Variants in ZNF544 observed in about 807,000 individuals in gnomAD.
ZNF544 encodes the protein zinc finger protein 544.
Under a neutral mutation model 13.5 loss-of-function variants are expected in ZNF544, and 10 were observed. The ratio of observed to expected loss-of-function variants is 0.74; its 90% CI spans 0.46 to 1.25. ZNF544 has a LOEUF of 1.25. Ranked by LOEUF, ZNF544 falls within the 50% of genes most tolerant of loss-of-function variation. The pLI, the probability that ZNF544 is intolerant of heterozygous loss-of-function variation, is 0.00. For synonymous variants in ZNF544, 323 were observed against 300.5 expected (o/e 1.07, Z -0.77); for missense variants, 896 against 845.6 (o/e 1.06, Z -0.74).
intron 3 of ZNF544, among the ~76,000 whole-genome samples, chr19:58,231,292 C>A (rs1321932491): frequency 3.3e-5 from 5 of 152,316 alleles, no homozygotes; most frequent in Middle Eastern, 3.4e-3. Flanking sequence ...CCCACCTTCT[C>A]ACTCCCCAGC....
chr19:58,242,183 T>C (rs2044038344), intron 3 of ZNF544: 2 of 972,132 alleles, frequency 2.1e-6, no homozygotes, highest in Non-Finnish European at 2.4e-6. Flanking sequence ...GCTGCGAGTG[T>C]TGAGGCTGCT....
intron 3 of ZNF544, among the ~76,000 whole-genome samples, chr19:58,236,591 A>G (rs1448777279): frequency 1.3e-5 from 2 of 152,114 alleles, no homozygotes; most frequent in Non-Finnish European, 2.9e-5. Context: ...GCAAAATAGT[A>G]CAGAGTATCT....
intron 3 of ZNF544, among the ~76,000 whole-genome samples, chr19:58,240,460 T>C (rs1337607848): frequency 6.6e-6 from 1 of 152,086 alleles, no homozygotes; most frequent in East Asian, 1.9e-4. Context: ...GGTTTCATCA[T>C]GTTAGCCAGG....
At chr19:58,237,252 C>T (rs952042131) in intron 3 of ZNF544, among the ~76,000 whole-genome samples, 3 of 151,900 alleles carry the variant, frequency 2.0e-5, no homozygotes, top group Non-Finnish European at 2.9e-5. Context: ...TTTGTAGAGA[C>T]GGGGTTTTGC....
intron 6 of ZNF544, among the ~76,000 whole-genome samples, chr19:58,254,776 G>A (rs952397943): frequency 2.0e-5 from 3 of 152,066 alleles, no homozygotes; most frequent in Non-Finnish European, 4.4e-5. Context: ...ACATTGCAGA[G>A]TTAATAGTAC....
At chr19:58,234,601 T>C (rs2042014476) in intron 3 of ZNF544, among the ~76,000 whole-genome samples, 2 of 152,368 alleles carry the variant, frequency 1.3e-5, no homozygotes, top group East Asian at 3.9e-4. Flanking sequence ...TTCTTCCCTT[T>C]GCCTGTGTAC....
intron 3 of ZNF544, among the ~76,000 whole-genome samples, chr19:58,242,630 C>T (rs2044149000): frequency 6.6e-6 from 1 of 151,826 alleles, no homozygotes; most frequent in Non-Finnish European, 1.5e-5. Context: ...CATCTCATCT[C>T]AGCCCCTACC....
rs1849112528 is a variant in ZNF544, at chr19:58,262,087, G to A, written c.1481G>A (p.Cys494Tyr). 1 of 1,610,724 alleles carries A rather than the reference G, an allele frequency of 6.2e-7. No individual in the cohort carries two copies. The highest frequency in any genetic ancestry group is 2.2e-5 in the East Asian group (1 of 44,706). ...CACACTGGAGAAAAACCCTTCAAATGTACTCAGTGTGGGAAATCTTTCAGC... is the reference window on the plus strand; with the variant it reads ...CACACTGGAGAAAAACCCTTCAAATATACTCAGTGTGGGAAATCTTTCAGC... ...RTHTGEKPFK[C>Y]TQCGKSFSQK... is the part of the protein sequence containing the mutation. Residue 494 changes from cysteine to tyrosine, a missense_variant, in exon 7 of 7, where the codon TGT (cysteine) becomes TAT (tyrosine). Transcript: ENST00000687789.
chr19:58,275,783 CAA>C (rs57148438), intron 5 of ZNF544, among the ~76,000 whole-genome samples: 22 of 66,218 alleles, frequency 3.3e-4, no homozygotes, highest in South Asian at 2.6e-3. Flanking sequence ...GACCCTGTCT[CAA>C]AAAAAAAAAA....
intron 4 of ZNF544, among the ~76,000 whole-genome samples, chr19:58,245,310 T>C (rs1437886574): frequency 2.6e-5 from 4 of 151,028 alleles, no homozygotes; most frequent in South Asian, 2.1e-4. Flanking sequence ...TTTTTTTTTT[T>C]TTTTCTTTTG....
chr19:58,276,962 A>G (rs111575877), intron 6 of ZNF544, among the ~76,000 whole-genome samples: 60 of 152,332 alleles, frequency 3.9e-4, no homozygotes, highest in African/African-American at 7.9e-4. Flanking sequence ...TGTAAGGATT[A>G]AAGCAGAGGG....
In ZNF544 at chr19:58,261,743, C is replaced by T. The variant is rs2048998490; in HGVS notation, c.1137C>T (p.Pro379=). The change falls in exon 7 of 7, where the codon CCC becomes CCT. Residue 379 remains proline, a synonymous_variant. Transcript: ENST00000687789. ...AGAGAACACACACTGGAGAAAAGCC[C>T]TTCGAATGTACTCAGTGTGGGAAAT... The part of the protein sequence containing the change: ...IHQRTHTGEK[P]FECTQCGKSF... 1 of 1,614,206 alleles carries T rather than the reference C, an allele frequency of 6.2e-7. No homozygotes were observed. The highest frequency in any genetic ancestry group is 1.3e-5 in the African/African-American group (1 of 75,060).
downstream of ZNF544, chr19:58,266,693 C>T (rs564391337): frequency 1.3e-5 from 2 of 151,876 alleles, no homozygotes; most frequent in South Asian, 4.2e-4. Context: ...CCATGAAACT[C>T]AGACTCTTCC....
At chr19:58,240,693 C>T (rs1166231851) in intron 3 of ZNF544, among the ~76,000 whole-genome samples, 3 of 151,430 alleles carry the variant, frequency 2.0e-5, no homozygotes, top group African/African-American at 4.8e-5. Flanking sequence ...ACCTGGGAGG[C>T]GGAGGTTGCA....
At chr19:58,252,108 G>A (rs2046387200) in intron 6 of ZNF544, among the ~76,000 whole-genome samples, 1 of 152,058 alleles carries the variant, frequency 6.6e-6, no homozygotes, top group Non-Finnish European at 1.5e-5. Context: ...TTTGCAAGCT[G>A]GCATATCAGT....
rs1011474187 is a variant in ZNF544, at chr19:58,262,258, T to A, written c.1652T>A (p.Ile551Asn). The change falls in exon 7 of 7, where the codon ATT becomes AAT. Residue 551 changes from isoleucine to asparagine, a missense_variant. Transcript: ENST00000687789. ...IHTGEKPYQCIECGKSFRWNS... is the reference protein window; with the variant it reads ...IHTGEKPYQCNECGKSFRWNS... ...ACTGGAGAAAAACCGTATCAGTGTA[T>A]TGAATGTGGGAAATCCTTCAGATGG... 9.9e-6 allele frequency: 16 copies of A among 1,613,888 alleles called. No individual in the cohort carries two copies. The highest frequency in any genetic ancestry group is 1.4e-5 in the Non-Finnish European group (16 of 1,179,986).
chr19:58,275,149 G>A lies in ZNF544; in HGVS notation c.245-1174G>A, dbSNP rs113618182. On this transcript the variant is annotated intron_variant, in intron 5 of 6. Transcript: ENST00000595981. The stretch of plus-strand genomic sequence containing the variant: ...ACCCATAATTAAACACCCATAAAAT[G>A]AGAAATGCAAACAATGTTGGGTGTG... 4.1e-3 allele frequency among the ~76,000 whole-genome samples: 619 copies of A among 152,164 alleles called. 4 individuals are homozygous for A. Among genetic ancestry groups the A allele is most frequent in the African/African-American group, 0.014 (587 of 41,502 alleles).
At chr19:58,255,936 C>T (rs2047224368) in intron 6 of ZNF544, among the ~76,000 whole-genome samples, 1 of 152,206 alleles carries the variant, frequency 6.6e-6, no homozygotes, top group Non-Finnish European at 1.5e-5. Context: ...TAGGAAACGG[C>T]AGCTGAAAGA....
At chr19:58,255,672 C>T (rs1289547420) in intron 6 of ZNF544, among the ~76,000 whole-genome samples, 1 of 152,182 alleles carries the variant, frequency 6.6e-6, no homozygotes, top group Non-Finnish European at 1.5e-5. Context: ...ATCTTTTGCC[C>T]TTACAGGCTG....
Sources: allele counts gnomAD v4.1 joint callset (sites outside exome capture counted in the v4.1 genomes callset), GRCh38; gene constraint gnomAD v4.1.1; transcripts MANE v1.5; gene names NCBI Gene and HGNC (gene_info 2026-07-23, HGNC 2026-07-21).